Variants in FMNL2 observed in about 807,000 individuals in gnomAD.
FMNL2 encodes the protein formin like 2, also known as formin-like protein 2.
In FMNL2, 51 loss-of-function variants were observed where a neutral mutation model predicts 130.2. That is an observed-to-expected ratio of 0.39 (90% confidence interval 0.31 to 0.49). The LOEUF (loss-of-function observed/expected upper bound fraction) is 0.49. Among genes scored for constraint, FMNL2 ranks in the 20% least tolerant of loss-of-function variants. The probability of loss-of-function intolerance (pLI) is 0.85; values close to 1 mark genes in which losing one functional copy is unlikely to be tolerated. For missense variants in FMNL2, 977 were observed against 1,316.2 expected (o/e 0.74, Z 3.99); for synonymous variants, 465 against 467.1 (o/e 1.00, Z 0.06).
At chr2:152,643,769 T>C (rs1683303907) in intron 25 of FMNL2, 1 of 985,372 alleles carries the variant, frequency 1.0e-6, no homozygotes, top group East Asian at 1.1e-4. Flanking sequence ...GCTGAATTCA[T>C]AGAATTGTTC....
intron 2 of FMNL2, among the ~76,000 whole-genome samples, chr2:152,535,288 A>G (rs1693935359): frequency 6.6e-6 from 1 of 152,258 alleles, no homozygotes; most frequent in African/African-American, 2.4e-5. Flanking sequence ...TGATCTGGAA[A>G]ACTCCTCTGT....
At chr2:152,584,019 C>T (rs1449573009) in intron 9 of FMNL2, among the ~76,000 whole-genome samples, 1 of 152,114 alleles carries the variant, frequency 6.6e-6, no homozygotes, top group Non-Finnish European at 1.5e-5. Context: ...TCTTGAGGTG[C>T]AAAAGGTGTT....
At chr2:152,575,925 A>G (rs754450116) in intron 7 of FMNL2, among the ~76,000 whole-genome samples, 30 of 152,192 alleles carry the variant, frequency 2.0e-4, no homozygotes, top group Non-Finnish European at 3.4e-4. Flanking sequence ...ACCCCACTGT[A>G]AAAACACTGG....
chr2:152,432,980 G>A (rs1256814896), intron 1 of FMNL2, among the ~76,000 whole-genome samples: 1 of 152,172 alleles, frequency 6.6e-6, no homozygotes, highest in African/African-American at 2.4e-5. Context: ...AGGCAGACCC[G>A]GGCTTGAGTT....
In FMNL2 at chr2:152,640,882, G is replaced by A. The variant is rs765330731; in HGVS notation, c.3137G>A (p.Gly1046Glu). The change falls in exon 25 of 26, where the codon GGA (glycine) becomes GAA (glutamate). Residue 1046 changes from glycine to glutamate, a missense_variant. Physicochemically the swap from Gly to Glu is moderately conservative, Grantham distance 98. Coordinates refer to ENST00000288670, the MANE Select transcript of FMNL2 (RefSeq NM_052905.4). The stretch of plus-strand genomic sequence containing the variant: ...AAAGATAACAGACATGTATATGAGG[G>A]AAAAGATGGTGCCATTGAAGATATT... The part of the protein sequence containing the change: ...QVKDNRHVYE[G>E]KDGAIEDIIT... 18 of 1,613,724 alleles carry A rather than the reference G, an allele frequency of 1.1e-5. No individual in the cohort carries two copies.
chr2:152,587,276 C>T (rs1362949136), intron 9 of FMNL2, among the ~76,000 whole-genome samples: 1 of 152,138 alleles, frequency 6.6e-6, no homozygotes, highest in Admixed American at 6.5e-5. Flanking sequence ...TGAGCCCAAC[C>T]CGGATGCAAG....
chr2:152,558,414 T>C (rs1695344738), intron 4 of FMNL2, among the ~76,000 whole-genome samples: 1 of 152,214 alleles, frequency 6.6e-6, no homozygotes, highest in African/African-American at 2.4e-5. Context: ...TGTAGATCAA[T>C]TGTGGTGGAA....
chr2:152,553,771 A>G (rs1010961065), intron 4 of FMNL2, among the ~76,000 whole-genome samples: 3 of 151,802 alleles, frequency 2.0e-5, no homozygotes, highest in Admixed American at 6.6e-5. Flanking sequence ...TATAAATTAA[A>G]TGACATGTTT....
intron 1 of FMNL2, among the ~76,000 whole-genome samples, chr2:152,491,964 A>G (rs1691231163): frequency 1.3e-5 from 2 of 152,206 alleles, no homozygotes; most frequent in African/African-American, 2.4e-5. Context: ...AACAACAACA[A>G]CAACAAACTA....
At position 152,521,996 on chromosome 2, in the gene FMNL2, T is replaced by C. The variant is rs1380196887; in HGVS notation, c.171T>C (p.Asn57=). 1 of 1,609,154 alleles carries C rather than the reference T, an allele frequency of 6.2e-7. No homozygotes were observed. Among genetic ancestry groups the C allele is most frequent in the African/African-American group, 1.3e-5 (1 of 74,666 alleles). ...CCAGGTTACTGCGGCAGTATGATAATGAGAAAAAATGGGAACTGATTTGTG... is the reference window on the plus strand; with the variant it reads ...CCAGGTTACTGCGGCAGTATGATAACGAGAAAAAATGGGAACTGATTTGTG... ...DKARLLRQYD[N]EKKWELICDQ... Residue 57 remains asparagine (N), a synonymous_variant, in exon 2 of 26, where the codon AAT becomes AAC. Transcript: ENST00000288670.
chr2:152,598,614 C>T (rs1224857487), intron 9 of FMNL2, among the ~76,000 whole-genome samples: 3 of 152,136 alleles, frequency 2.0e-5, no homozygotes, highest in Non-Finnish European at 2.9e-5. Flanking sequence ...GCTTGAAACC[C>T]GGGAGGTAGA....
chr2:152,339,046 T>C (rs980766788), intron 1 of FMNL2, among the ~76,000 whole-genome samples: 1 of 152,272 alleles, frequency 6.6e-6, no homozygotes, highest in Non-Finnish European at 1.5e-5. Flanking sequence ...TCTTCATATC[T>C]GTAATAGCCA....
intron 2 of FMNL2, among the ~76,000 whole-genome samples, chr2:152,531,595 C>T (rs1693701552): frequency 6.6e-6 from 1 of 151,956 alleles, no homozygotes; most frequent in Admixed American, 6.6e-5. Context: ...CTGCCTCCTG[C>T]CTCCCGAGTA....
chr2:152,639,936 C>G, intron 23 of FMNL2, 22 bp from the exon 24 acceptor site: 1 of 1,533,616 alleles, frequency 6.5e-7, no homozygotes, highest in Non-Finnish European at 8.8e-7. Flanking sequence ...CATCATCTTT[C>G]TGGTTCTTTT....
At chr2:152,613,736 C>A (rs1429295501) in intron 11 of FMNL2, among the ~76,000 whole-genome samples, 1 of 152,102 alleles carries the variant, frequency 6.6e-6, no homozygotes, top group African/African-American at 2.4e-5. Context: ...TTACAAAAAC[C>A]CAGCCTTGTA....
chr2:152,339,601 G>T (rs1174463557), intron 1 of FMNL2, among the ~76,000 whole-genome samples: 1 of 152,182 alleles, frequency 6.6e-6, no homozygotes, highest in African/African-American at 2.4e-5. Context: ...TGTATCTTGT[G>T]CAATATCAGG....
At chr2:152,580,906 C>G (rs748730979) in intron 8 of FMNL2, 50 bp from the exon 9 acceptor site, 2 of 1,521,694 alleles carry the variant, frequency 1.3e-6, no homozygotes, top group Admixed American at 3.4e-5. Flanking sequence ...ACAGCTGACT[C>G]ATCATGCCAT....
At chr2:152,595,840 AAT>A (rs1697738842) in intron 9 of FMNL2, among the ~76,000 whole-genome samples, 1 of 146,120 alleles carries the variant, frequency 6.8e-6, no homozygotes, top group South Asian at 2.1e-4. Context: ...TAATGAGTCT[AAT>A]GTGACAGAGT....
intron 9 of FMNL2, among the ~76,000 whole-genome samples, chr2:152,595,652 C>T (rs935205489): frequency 1.3e-5 from 2 of 152,130 alleles, no homozygotes; most frequent in Non-Finnish European, 2.9e-5. Context: ...TCAGGCGTCC[C>T]AGACAAATTT....
Sources: allele counts gnomAD v4.1 joint callset (sites outside exome capture counted in the v4.1 genomes callset), GRCh38; gene constraint gnomAD v4.1.1; transcripts MANE v1.5; gene names NCBI Gene and HGNC (gene_info 2026-07-23, HGNC 2026-07-21).